UTRN: variants seen among roughly 807,000 people sequenced by gnomAD.
UTRN encodes utrophin.
Under a neutral mutation model 463.9 loss-of-function variants are expected in UTRN, and 283 were observed. That is an observed-to-expected ratio of 0.61 (90% confidence interval 0.55 to 0.67). The LOEUF is 0.67. Ranked by LOEUF, UTRN falls within the 30% of genes least tolerant of loss-of-function variation. The pLI is 0.00. For missense variants in UTRN, 3,922 were observed against 4,084.3 expected (o/e 0.96, Z 1.08); for synonymous variants, 1,442 against 1,431.5 (o/e 1.01, Z -0.17).
At chr6:144,776,938 G>C (rs532527500) in intron 60 of UTRN, among the ~76,000 whole-genome samples, 1 of 152,240 alleles carries the variant, frequency 6.6e-6, no homozygotes, top group Admixed American at 6.5e-5. Flanking sequence ...TTTTAATGAG[G>C]TTTTCTATGG....
At chr6:144,710,574 A>T (rs1463778369) in intron 53 of UTRN, among the ~76,000 whole-genome samples, 2 of 152,214 alleles carry the variant, frequency 1.3e-5, no homozygotes, top group Non-Finnish European at 2.9e-5. Context: ...GTCTCAGAAC[A>T]TTGATATATT....
In UTRN at chr6:144,577,252, T is replaced by C. The variant is rs1254081169; in HGVS notation, c.7443T>C (p.Asp2481=). 2 of 1,613,828 alleles carry C rather than the reference T, an allele frequency of 1.2e-6. No homozygotes were observed. Among genetic ancestry groups the C allele is most frequent in the Non-Finnish European group, 1.7e-6 (2 of 1,179,864 alleles). ...CTCATCGGGAGAATGCTCTTCAGGA[T>C]AGTATCTTGGCCAGGGAACTCAAAC... ...DASHRENALQ[D]SILARELKQQ... is the part of the protein sequence containing the mutation. The change falls in exon 51 of 75, where the codon GAT becomes GAC. Residue 2481 remains aspartate, a synonymous_variant. Coordinates refer to ENST00000367545, the MANE Select transcript of UTRN (RefSeq NM_007124.3).
At chr6:144,507,032 T>A (rs1585053391) in intron 34 of UTRN, among the ~76,000 whole-genome samples, 1 of 152,178 alleles carries the variant, frequency 6.6e-6, no homozygotes, top group East Asian at 1.9e-4. Flanking sequence ...ATCTCTGATA[T>A]GCTTTCTTCC....
chr6:144,456,685 AT>A (rs1788860350), intron 19 of UTRN, among the ~76,000 whole-genome samples: 4 of 148,404 alleles, frequency 2.7e-5, no homozygotes, highest in South Asian at 4.2e-4. Flanking sequence ...AATAATAATA[AT>A]AATAATAATA....
intron 2 of UTRN, among the ~76,000 whole-genome samples, chr6:144,381,325 A>G (rs759225450): frequency 6.6e-6 from 1 of 152,306 alleles, no homozygotes; most frequent in Non-Finnish European, 1.5e-5. Context: ...CTCCAGCTCC[A>G]TCCATGTCCC....
rs775948941 is a variant in UTRN, at chr6:144,447,270, C to T, written c.1674C>T (p.Ser558=). The change falls in exon 15 of 75, where the codon AGC becomes AGT. Residue 558 remains serine (S), a synonymous_variant. Transcript: ENST00000367545. ...AGGCTTTAAATAAAGTCCAGACAAG[C>T]AACTTCAAAGACCAAAAGGAACTAA... ...KEEALNKVQT[S]NFKDQKELSV... 6.2e-7 allele frequency: 1 copy of T among 1,613,924 alleles called. No homozygotes were observed. Among genetic ancestry groups the T allele is most frequent in the South Asian group, 1.1e-5 (1 of 91,046 alleles).
At chr6:144,545,313 T>A (rs1210709071) in intron 46 of UTRN, among the ~76,000 whole-genome samples, 1 of 152,248 alleles carries the variant, frequency 6.6e-6, no homozygotes, top group African/African-American at 2.4e-5. Context: ...TAAACGAGTT[T>A]GATTGTGTCG....
chr6:144,587,720 A>G (rs1289968200), intron 51 of UTRN, among the ~76,000 whole-genome samples: 1 of 152,052 alleles, frequency 6.6e-6, no homozygotes, highest in Non-Finnish European at 1.5e-5. Context: ...TCCTGAAGTG[A>G]TCCAGGGCAA....
At chr6:144,473,420 G>A (rs1289719048) in intron 23 of UTRN, among the ~76,000 whole-genome samples, 1 of 152,116 alleles carries the variant, frequency 6.6e-6, no homozygotes, top group Non-Finnish European at 1.5e-5. Flanking sequence ...ACCTAGAAAT[G>A]CATTTTTTCC....
chr6:144,839,155 C>T lies in UTRN; in HGVS notation c.10066-18C>T. The T allele has an allele frequency of 6.3e-7, 1 of 1,593,144 alleles. No homozygotes were observed. Among genetic ancestry groups the T allele is most frequent in the East Asian group, 2.2e-5 (1 of 44,728 alleles). ...ATTTGAATCCTTTCTCTGCTTTAAC[C>T]TCTGAATGTGGTTCCAGCCTGAATC... On this transcript the variant is annotated intron_variant, in intron 71 of 74. Coordinates refer to ENST00000367545, the MANE Select transcript of UTRN (RefSeq NM_007124.3).
chr6:144,497,054 T>TCTTAAGCAC (rs1793717326), intron 33 of UTRN, among the ~76,000 whole-genome samples: 1 of 152,106 alleles, frequency 6.6e-6, no homozygotes, highest in Non-Finnish European at 1.5e-5. Context: ...AAAATCTGTG[T>TCTTAAGCAC]CTTAAGCAGT....
At chr6:144,407,239 C>T (rs1189530368) in intron 3 of UTRN, among the ~76,000 whole-genome samples, 1 of 152,034 alleles carries the variant, frequency 6.6e-6, no homozygotes, top group Non-Finnish European at 1.5e-5. Context: ...TAGTAGGTAT[C>T]CAGTAAACTA....
At chr6:144,741,661 C>T (rs1392917264) in intron 54 of UTRN, among the ~76,000 whole-genome samples, 1 of 152,034 alleles carries the variant, frequency 6.6e-6, no homozygotes, top group Admixed American at 6.6e-5. Context: ...GCAAAACTGC[C>T]ACTACTTGGA....
At chr6:144,537,813 A>G in intron 44 of UTRN, 96 bp downstream of exon 44, 3 of 1,481,746 alleles carry the variant, frequency 2.0e-6, no homozygotes, top group Non-Finnish European at 2.7e-6. Context: ...GGGAAAAGAA[A>G]CTTTGTACTT....
chr6:144,771,872 T>C (rs1159506939), intron 58 of UTRN, 35 bp from the exon 59 acceptor site: 1 of 1,550,294 alleles, frequency 6.5e-7, no homozygotes, highest in South Asian at 1.2e-5. Flanking sequence ...TTTTGATTTT[T>C]TGTTTATTTT....
At chr6:144,552,101 C>A (rs527697205) in intron 48 of UTRN, among the ~76,000 whole-genome samples, 5 of 152,250 alleles carry the variant, frequency 3.3e-5, no homozygotes, top group Admixed American at 6.5e-5. Context: ...AGTGCCAATA[C>A]AAATTAACTA....
intron 3 of UTRN, 67 bp from the exon 4 acceptor site, chr6:144,421,811 G>A (rs140582807): frequency 1.1e-5 from 13 of 1,212,192 alleles, no homozygotes; most frequent in Admixed American, 5.3e-5. Flanking sequence ...TCATTTATTT[G>A]CCCAGGTATA....
chr6:144,556,091 A>G (rs1217350119), intron 49 of UTRN, among the ~76,000 whole-genome samples: 2 of 152,232 alleles, frequency 1.3e-5, no homozygotes, highest in Non-Finnish European at 2.9e-5. Context: ...ATAAAATTAT[A>G]AAATATTCTT....
At chr6:144,291,931 G>C in intron 2 of UTRN, 24 bp downstream of exon 2, 4 of 1,593,474 alleles carry the variant, frequency 2.5e-6, no homozygotes, top group Non-Finnish European at 3.4e-6. Context: ...GCTCAAGAAA[G>C]CTATGGATTT....
Sources: gnomAD v4.1 joint callset for allele counts (sites outside exome capture counted in the v4.1 genomes callset) on GRCh38, gnomAD v4.1.1 for gene constraint, MANE v1.5 for transcripts, NCBI Gene and HGNC (gene_info 2026-07-23, HGNC 2026-07-21) for gene names.